The following DIAPH3 variants were observed in gnomAD, a reference collection of about 807,000 sequenced individuals.
The protein encoded by DIAPH3 is diaphanous related formin 3.
In DIAPH3, 117 loss-of-function variants were observed where a neutral mutation model predicts 144.3. That is an observed-to-expected ratio of 0.81 (90% confidence interval 0.70 to 0.95). The LOEUF is 0.95. Ranked by LOEUF, DIAPH3 falls within the 40% of genes least tolerant of loss-of-function variation. The pLI is 0.00. For synonymous variants in DIAPH3, 519 were observed against 488.9 expected, an observed-to-expected ratio of 1.06 and a Z score of -0.81; for missense variants, 1,421 against 1,412.7, an observed-to-expected ratio of 1.01 and a Z score of -0.09.
At chr13:59,840,247 TA>T (rs141621493) in intron 22 of DIAPH3, among the ~76,000 whole-genome samples, 2,764 of 151,608 alleles carry the variant, frequency 0.018, 81 homozygotes, top group East Asian at 0.12. Context: ...AATTCTAGGT[TA>T]AAAAAAAATC....
At chr13:60,068,936 T>G (rs542204289) in intron 4 of DIAPH3, among the ~76,000 whole-genome samples, 1 of 87,218 alleles carries the variant, frequency 1.1e-5, no homozygotes, top group South Asian at 3.7e-4. Flanking sequence ...TTGTGAAAAG[T>G]GCTGCAATGA....
intron 27 of DIAPH3, among the ~76,000 whole-genome samples, chr13:59,683,237 A>C (rs2033039322): frequency 6.6e-6 from 1 of 152,170 alleles, no homozygotes; most frequent in Admixed American, 6.5e-5. Flanking sequence ...AACAGTAAGA[A>C]CAGCTTGGAT....
intron 18 of DIAPH3, among the ~76,000 whole-genome samples, chr13:59,924,072 T>C (rs899945796): frequency 6.6e-6 from 1 of 152,184 alleles, no homozygotes; most frequent in South Asian, 2.1e-4. Flanking sequence ...ATTATTCATA[T>C]CCCTCTTGCA....
chr13:59,910,421 C>A (rs1593941474), intron 20 of DIAPH3, among the ~76,000 whole-genome samples: 2 of 152,108 alleles, frequency 1.3e-5, no homozygotes, highest in African/African-American at 2.4e-5. Context: ...TTCTTAAAGA[C>A]AACGAATTTA....
chr13:59,780,916 A>C (rs1189159872), intron 25 of DIAPH3, among the ~76,000 whole-genome samples: 1 of 152,208 alleles, frequency 6.6e-6, no homozygotes, highest in African/African-American at 2.4e-5. Flanking sequence ...AAATGTGGGT[A>C]ATATTTTTGG....
chr13:60,039,671 A>G (rs1450866715), intron 5 of DIAPH3, among the ~76,000 whole-genome samples: 2 of 152,034 alleles, frequency 1.3e-5, no homozygotes, highest in Admixed American at 1.3e-4. Flanking sequence ...AATCAGTTCA[A>G]TTTTCTTTTT....
intron 20 of DIAPH3, among the ~76,000 whole-genome samples, chr13:59,905,370 A>AT (rs1211489670): frequency 7.1e-6 from 1 of 140,256 alleles, no homozygotes; most frequent in Non-Finnish European, 1.6e-5. Context: ...AAAAAAAAAA[A>AT]GTGTAAGTTC....
At chr13:60,087,032 T>C (rs143789742) in intron 4 of DIAPH3, among the ~76,000 whole-genome samples, 3 of 152,330 alleles carry the variant, frequency 2.0e-5, no homozygotes, top group Non-Finnish European at 4.4e-5. Flanking sequence ...TCCCATATAC[T>C]TTAAATCATC....
intron 20 of DIAPH3, among the ~76,000 whole-genome samples, chr13:59,902,644 C>T (rs1011416183): frequency 1.6e-4 from 24 of 152,156 alleles, no homozygotes; most frequent in African/African-American, 4.1e-4. Flanking sequence ...AGCATGGTGG[C>T]GCACACCTGT....
intron 19 of DIAPH3, among the ~76,000 whole-genome samples, chr13:59,915,184 C>T (rs895081588): frequency 7.9e-5 from 12 of 151,530 alleles, no homozygotes; most frequent in Non-Finnish European, 1.5e-4. Flanking sequence ...TCAACATGAA[C>T]GAAGATGAAA....
chr13:60,130,435 G>C (rs888621630), intron 2 of DIAPH3, among the ~76,000 whole-genome samples: 1 of 152,172 alleles, frequency 6.6e-6, no homozygotes, highest in Non-Finnish European at 1.5e-5. Context: ...GAGGAATCCA[G>C]GAGAGACAGA....
intron 27 of DIAPH3, among the ~76,000 whole-genome samples, chr13:59,708,578 C>A (rs2034555759): frequency 6.6e-6 from 1 of 152,160 alleles, no homozygotes; most frequent in African/African-American, 2.4e-5. Context: ...GGACTTCACC[C>A]TTGCTTGGTT....
At chr13:59,992,924 A>AATTGAAC (rs1211662833) in intron 9 of DIAPH3, among the ~76,000 whole-genome samples, 1 of 151,802 alleles carries the variant, frequency 6.6e-6, no homozygotes, top group African/African-American at 2.4e-5. Flanking sequence ...ATACAACAGA[A>AATTGAAC]ATTGAACATA....
rs3078724 is a variant in DIAPH3, at chr13:59,993,702, T to TAAAAAAAAAAAAAAAAAAAAAAAA, written c.1015-1120_1015-1119insTTTTTTTTTTTTTTTTTTTTTTTT. Among the ~76,000 whole-genome samples, 6 of 73,868 alleles carry TAAAAAAAAAAAAAAAAAAAAAAAA rather than the reference T, an allele frequency of 8.1e-5. 1 individual carries two copies. The highest frequency in any genetic ancestry group is 2.4e-4 in the African/African-American group (4 of 16,474). 48.5% of individuals were successfully genotyped at this position (73,868 alleles called of 152,430 possible). A position where few individuals can be genotyped will look rare whatever the true frequency, so the allele number is the denominator to read the frequency against. Reference sequence around the variant, plus strand: ...GAGAGAGGAAGAAGAGAAACATACTTAAAAAAAAAAAAAAAAAAAACTTAA... The same window carrying TAAAAAAAAAAAAAAAAAAAAAAAA: ...GAGAGAGGAAGAAGAGAAACATACTTAAAAAAAAAAAAAAAAAAAAAAAAAAAAAAAAAAAAAAAAAAAACTTAA... On this transcript the variant is annotated intron_variant, in intron 9 of 27. Transcript: ENST00000400324.
At chr13:59,993,562 G>A (rs1185528586) in intron 9 of DIAPH3, among the ~76,000 whole-genome samples, 1 of 151,406 alleles carries the variant, frequency 6.6e-6, no homozygotes, top group East Asian at 1.9e-4. Flanking sequence ...AATTCCTGCT[G>A]TTTGAAATAT....
chr13:59,744,833 C>T (rs763620919), intron 27 of DIAPH3, among the ~76,000 whole-genome samples: 2 of 151,992 alleles, frequency 1.3e-5, no homozygotes, highest in Non-Finnish European at 2.9e-5. Flanking sequence ...GCAATCAGGG[C>T]GACTGACCAA....
chr13:60,016,700 T>A (rs1191956113), intron 5 of DIAPH3, among the ~76,000 whole-genome samples: 1 of 152,202 alleles, frequency 6.6e-6, no homozygotes, highest in Admixed American at 6.5e-5. Flanking sequence ...AATACATTCC[T>A]ACAAATGTTA....
At chr13:59,819,034 C>G (rs1019149086) in intron 24 of DIAPH3, among the ~76,000 whole-genome samples, 1 of 151,674 alleles carries the variant, frequency 6.6e-6, no homozygotes, top group Non-Finnish European at 1.5e-5. Flanking sequence ...ATCATTTCAC[C>G]AAACAATCCC....
At chr13:59,822,131 A>C (rs974331947) in intron 24 of DIAPH3, among the ~76,000 whole-genome samples, 7 of 152,170 alleles carry the variant, frequency 4.6e-5, no homozygotes, top group Admixed American at 3.9e-4. Context: ...CAACCTATTC[A>C]CATTTCTTTA....
Sources: allele counts gnomAD v4.1 joint callset (sites outside exome capture counted in the v4.1 genomes callset), GRCh38; gene constraint gnomAD v4.1.1; transcripts MANE v1.5; gene names NCBI Gene and HGNC (gene_info 2026-07-23, HGNC 2026-07-21).